CPB2: variants seen among roughly 807,000 people sequenced by gnomAD.
The protein encoded by CPB2 is carboxypeptidase B2.
CPB2 carries 54 observed loss-of-function variants against 57.0 expected under a neutral mutation model. The observed-to-expected ratio is 0.95, with a 90% CI of 0.76 to 1.19. The LOEUF is 1.19. Among genes scored for constraint, CPB2 ranks in the 50% most tolerant of loss-of-function variants. CPB2 has a pLI of 0.00. For synonymous variants in CPB2, 189 were observed against 178.1 expected, an observed-to-expected ratio of 1.06 and a Z score of -0.49; for missense variants, 426 against 512.0, an observed-to-expected ratio of 0.83 and a Z score of 1.62.
chr13:46,093,235 A>G (rs922693621), intron 1 of CPB2, among the ~76,000 whole-genome samples: 5 of 152,160 alleles, frequency 3.3e-5, no homozygotes, highest in African/African-American at 1.2e-4. Flanking sequence ...ACAAGGGTGG[A>G]GGGTGGCTTT....
intron 2 of CPB2, among the ~76,000 whole-genome samples, chr13:46,085,670 A>G (rs544617984): frequency 5.9e-5 from 9 of 152,154 alleles, no homozygotes; most frequent in Admixed American, 3.3e-4. Context: ...TCCCGCCTCT[A>G]TCCTCCAACA....
chr13:46,075,049 G>A (rs2045001400), intron 5 of CPB2, among the ~76,000 whole-genome samples: 1 of 152,082 alleles, frequency 6.6e-6, no homozygotes, highest in Non-Finnish European at 1.5e-5. Context: ...GAGGACCACT[G>A]GTATAGAGGG....
rs543035786 is a variant in CPB2, at chr13:46,064,921, C to T, written c.703-180G>A. ...CCTTTGCACGGTCCCTATTGCTATC[C>T]GGGTTTCAATCACATCCACTCAGAC... is the stretch of plus-strand genomic sequence containing the variant. On this transcript the variant is annotated intron_variant, in intron 7 of 10. Coordinates refer to ENST00000181383, the MANE Select transcript of CPB2 (RefSeq NM_001872.5). 2.7e-4 allele frequency among the ~76,000 whole-genome samples: 41 copies of T among 152,234 alleles called. No individual in the cohort carries two copies. The South Asian group carries it at 3.7e-3, about 14-fold the overall frequency.
chr13:46,081,053 G>C (rs1160051411), intron 4 of CPB2, among the ~76,000 whole-genome samples: 2 of 149,964 alleles, frequency 1.3e-5, no homozygotes, highest in African/African-American at 4.9e-5. Context: ...GCTGAGGAAA[G>C]AGGCCTCAGT....
chr13:46,060,327 T>G (rs889614633), intron 8 of CPB2, among the ~76,000 whole-genome samples: 1 of 151,980 alleles, frequency 6.6e-6, no homozygotes, highest in African/African-American at 2.4e-5. Context: ...CCAGGCATAG[T>G]GGTGCACGCC....
intron 3 of CPB2, among the ~76,000 whole-genome samples, chr13:46,084,013 G>A (rs530835900): frequency 6.6e-6 from 1 of 152,328 alleles, no homozygotes; most frequent in African/African-American, 2.4e-5. Context: ...GATAAGGGAC[G>A]GAGGTCATGA....
chr13:46,076,118 T>G (rs2045018301), intron 5 of CPB2, among the ~76,000 whole-genome samples: 2 of 152,172 alleles, frequency 1.3e-5, no homozygotes, highest in South Asian at 4.1e-4. Context: ...TACTTTAGTT[T>G]CAAAAGCTGT....
chr13:46,055,723 A>G (rs1196421997), intron 10 of CPB2, 39 bp downstream of exon 10: 2 of 1,211,422 alleles, frequency 1.7e-6, no homozygotes, highest in African/African-American at 1.5e-5. Context: ...TTTCTTTAGT[A>G]GCTCAAAGTT....
intron 2 of CPB2, among the ~76,000 whole-genome samples, chr13:46,087,458 G>A (rs1460080406): frequency 6.6e-6 from 1 of 152,192 alleles, no homozygotes; most frequent in Non-Finnish European, 1.5e-5. Flanking sequence ...CATGAGTAAG[G>A]TTTTATTTAT....
chr13:46,098,741 T>C (rs2045397815), intron 1 of CPB2: 1 of 152,294 alleles, frequency 6.6e-6, no homozygotes, highest in Non-Finnish European at 1.5e-5. Context: ...TGGGACAACT[T>C]TACCAGGCCA....
At chr13:46,075,318 C>A (rs9567614) in intron 5 of CPB2, among the ~76,000 whole-genome samples, 52,237 of 152,070 alleles carry the variant, frequency 0.34, 9,199 homozygotes, top group African/African-American at 0.39. Context: ...TGTCTGGATT[C>A]GTTACTTTAC....
intron 1 of CPB2, among the ~76,000 whole-genome samples, chr13:46,095,636 C>T (rs2045354312): frequency 6.6e-6 from 1 of 152,220 alleles, no homozygotes; most frequent in African/African-American, 2.4e-5. Context: ...TTGGGACAGA[C>T]ACCAGTGCAT....
chr13:46,079,551 A>AAGAAAAG (rs1555309761), intron 4 of CPB2, among the ~76,000 whole-genome samples: 1 of 124,706 alleles, frequency 8.0e-6, no homozygotes, highest in Non-Finnish European at 1.6e-5. Flanking sequence ...AAAAAAAAAA[A>AAGAAAAG]AAAAGAAAAG....
chr13:46,053,708 C>T lies in CPB2; in HGVS notation c.1178G>A (p.Gly393Glu). The T allele has an allele frequency of 6.2e-7, 1 of 1,614,130 alleles. No homozygotes were observed. The highest frequency in any genetic ancestry group is 8.5e-7 in the Non-Finnish European group (1 of 1,180,020). ...GATGTAACGCTCCGGCAGCAAGAAT[C>T]CGTATGTGCCCGTATCTCGAAGTTC... ...TIELRDTGTY[G>E]FLLPERYIKP... is the part of the protein sequence containing the mutation. The change falls in exon 11 of 11, where the codon GGA (glycine) becomes GAA (glutamate). Residue 393 changes from glycine (G) to glutamate (E), a missense_variant. Transcript: ENST00000181383.
chr13:46,060,688 T>C (rs2044759920), intron 8 of CPB2, among the ~76,000 whole-genome samples: 1 of 152,118 alleles, frequency 6.6e-6, no homozygotes, highest in Non-Finnish European at 1.5e-5. Context: ...TAGCCACATG[T>C]GGTTAGTGGC....
Position 46,067,360 on chromosome 13 carries a change from A to G in CPB2, c.649T>C (p.Phe217Leu). 1 of 1,598,808 alleles carries G rather than the reference A, an allele frequency of 6.3e-7. No individual in the cohort carries two copies. The highest frequency in any genetic ancestry group is 8.6e-7 in the Non-Finnish European group (1 of 1,166,342). The stretch of plus-strand genomic sequence containing the variant: ...ACATTAACCACTGGCATAACATAGA[A>G]ATCCACAAGCCTCAGGAGATTGGTA... ...QYTNLLRLVD[F>L]YVMPVVNVDG... Residue 217 changes from phenylalanine to leucine, a missense_variant, in exon 7 of 11, where the codon TTC becomes CTC. Physicochemically the swap from Phe to Leu is conservative, Grantham distance 22 (BLOSUM62 0). Coordinates refer to ENST00000181383, the MANE Select transcript of CPB2 (RefSeq NM_001872.5).
intron 1 of CPB2, chr13:46,101,337 T>C (rs80180071): frequency 3.3e-5 from 5 of 152,362 alleles, no homozygotes; most frequent in Non-Finnish European, 7.3e-5. Context: ...CAATTAAATT[T>C]TGCTAAATAT....
chr13:46,058,045 A>G, intron 9 of CPB2, 134 bp downstream of exon 9: 1 of 700,298 alleles, frequency 1.4e-6, no homozygotes. Flanking sequence ...GACTCTCAAC[A>G]GGATCACACC....
intron 1 of CPB2, among the ~76,000 whole-genome samples, chr13:46,104,044 C>T (rs896790430): frequency 6.6e-6 from 1 of 152,226 alleles, no homozygotes; most frequent in Non-Finnish European, 1.5e-5. Context: ...GCTTCAGGCT[C>T]ACAAGTCAAG....
Sources: allele counts gnomAD v4.1 joint callset (sites outside exome capture counted in the v4.1 genomes callset), GRCh38; gene constraint gnomAD v4.1.1; transcripts MANE v1.5; gene names NCBI Gene and HGNC (gene_info 2026-07-23, HGNC 2026-07-21).